The following KALRN variants were observed in gnomAD, a reference collection of about 807,000 sequenced individuals.
KALRN encodes kalirin RhoGEF kinase.
In KALRN, 70 loss-of-function variants were observed where a neutral mutation model predicts 353.7. The ratio of observed to expected loss-of-function variants is 0.20; its 90% CI spans 0.16 to 0.24. The LOEUF is 0.24. Ranked by LOEUF, KALRN falls within the 10% of genes least tolerant of loss-of-function variation. KALRN has a pLI of 1.00. For missense variants in KALRN, 2,791 were observed against 3,756.7 expected (o/e 0.74, Z 6.72); for synonymous variants, 1,391 against 1,434.8 (o/e 0.97, Z 0.69).
At chr3:124,613,992 C>G (rs948290921) in intron 34 of KALRN, among the ~76,000 whole-genome samples, 1 of 152,166 alleles carries the variant, frequency 6.6e-6, no homozygotes, top group African/African-American at 2.4e-5. Flanking sequence ...ACCTCCAACA[C>G]CATTTTCAGT....
At chr3:124,051,364 GTTTCTCCTTAC>G (rs2041027423) in intron 1 of KALRN, among the ~76,000 whole-genome samples, 1 of 152,152 alleles carries the variant, frequency 6.6e-6, no homozygotes, top group Non-Finnish European at 1.5e-5. Flanking sequence ...AGTGGGTCTG[GTTTCTCCTTAC>G]TTTGCTAGGA....
intron 34 of KALRN, among the ~76,000 whole-genome samples, chr3:124,576,540 G>A (rs959085281): frequency 6.6e-6 from 1 of 152,126 alleles, no homozygotes; most frequent in Admixed American, 6.5e-5. Flanking sequence ...TCTTCTCTGG[G>A]GACGTATGGG....
chr3:124,176,345 C>T (rs566120086), intron 1 of KALRN, among the ~76,000 whole-genome samples: 1 of 152,258 alleles, frequency 6.6e-6, no homozygotes, highest in East Asian at 1.9e-4. Context: ...TCAGTAATAT[C>T]CACGCAGATT....
rs371446060 is a variant in KALRN at position 124,298,748 on chromosome 3, C to T, written c.970-43C>T. The stretch of plus-strand genomic sequence containing the variant: ...CTCTGAAAGTTTTGCCCTATTCGAC[C>T]CATGACCATTCTGATTATGCTGTGC... On this transcript the variant is annotated intron_variant, in intron 5 of 59. Transcript: ENST00000682506. 4.3e-6 allele frequency: 7 copies of T among 1,612,918 alleles called. No individual in the cohort carries two copies. The South Asian group carries it at 7.7e-5, about 18-fold the overall frequency.
chr3:124,319,083 T>G (rs2079074463), intron 6 of KALRN, among the ~76,000 whole-genome samples: 1 of 152,098 alleles, frequency 6.6e-6, no homozygotes, highest in East Asian at 1.9e-4. Flanking sequence ...ATATATTTTT[T>G]GCTGAAGTCA....
At chr3:124,637,325 A>G (rs780075639) in intron 37 of KALRN, 22 bp downstream of exon 37, 1 of 1,562,590 alleles carries the variant, frequency 6.4e-7, no homozygotes, top group African/African-American at 1.4e-5. Context: ...TCCTGGAGGC[A>G]GTTCTGTGTG....
chr3:124,589,774 C>T (rs893569496), intron 34 of KALRN, among the ~76,000 whole-genome samples: 13 of 152,138 alleles, frequency 8.5e-5, no homozygotes, highest in Admixed American at 1.3e-4. Context: ...GGAACCCCTG[C>T]GGGTACCAAA....
chr3:124,414,381 A>G (rs2092379158), intron 14 of KALRN, among the ~76,000 whole-genome samples: 1 of 151,840 alleles, frequency 6.6e-6, no homozygotes, highest in African/African-American at 2.4e-5. Flanking sequence ...CCTATCCTCT[A>G]CTCCTAAGCT....
intron 47 of KALRN, among the ~76,000 whole-genome samples, chr3:124,668,085 C>T (rs1292325114): frequency 4.6e-5 from 6 of 129,062 alleles, no homozygotes; most frequent in Admixed American, 4.0e-4. Context: ...CACACACACA[C>T]ACACACACAA....
chr3:124,283,423 T>C (rs2075540329), intron 5 of KALRN, among the ~76,000 whole-genome samples: 1 of 152,222 alleles, frequency 6.6e-6, no homozygotes, highest in Admixed American at 6.5e-5. Flanking sequence ...ACTGTGTTCC[T>C]GAAAATATTT....
intron 15 of KALRN, among the ~76,000 whole-genome samples, chr3:124,423,385 A>G (rs2150369153): frequency 6.6e-6 from 1 of 152,372 alleles, no homozygotes; most frequent in South Asian, 2.1e-4. Context: ...CACAAAGTTA[A>G]TATTCAGTAA....
At chr3:124,480,717 C>A (rs1378356590) in intron 27 of KALRN, among the ~76,000 whole-genome samples, 1 of 152,176 alleles carries the variant, frequency 6.6e-6, no homozygotes, top group African/African-American at 2.4e-5. Flanking sequence ...CCACCACAAA[C>A]CCCAACCCAC....
intron 6 of KALRN, among the ~76,000 whole-genome samples, chr3:124,317,750 G>A (rs973713550): frequency 6.6e-6 from 1 of 150,992 alleles, no homozygotes; most frequent in Admixed American, 6.6e-5. Context: ...GCGGGGGCTG[G>A]GGGGGCAGTT....
intron 1 of KALRN, among the ~76,000 whole-genome samples, chr3:124,040,902 G>A (rs2039896239): frequency 6.6e-6 from 1 of 152,230 alleles, no homozygotes. Flanking sequence ...TGGGATGCAA[G>A]AGGGTGCCAG....
chr3:124,550,870 TC>T (rs1471724897), intron 33 of KALRN, among the ~76,000 whole-genome samples: 1 of 151,928 alleles, frequency 6.6e-6, no homozygotes. Flanking sequence ...GCGCCTGTAG[TC>T]CCAGCTACTC....
intron 1 of KALRN, among the ~76,000 whole-genome samples, chr3:124,086,309 TTGTGTGTGTGTGTGTGTGTGTGTG>T (rs59443298): frequency 7.1e-6 from 1 of 141,768 alleles, no homozygotes; most frequent in African/African-American, 2.6e-5. Flanking sequence ...GGTTGTTTTG[TTGTGTGTGTGTGTGTGTGTGTGTG>T]TGTGTGTGTG....
chr3:124,560,466 G>C (rs192808438), intron 33 of KALRN, among the ~76,000 whole-genome samples: 1 of 152,338 alleles, frequency 6.6e-6, no homozygotes, highest in East Asian at 1.9e-4. Flanking sequence ...AATCAAATTA[G>C]TGGGATGTCA....
intron 51 of KALRN, among the ~76,000 whole-genome samples, chr3:124,688,196 C>T (rs902616702): frequency 4.0e-5 from 6 of 151,788 alleles, no homozygotes; most frequent in African/African-American, 1.5e-4. Flanking sequence ...CCTGTAGTCG[C>T]AGCTCCTCAG....
intron 33 of KALRN, among the ~76,000 whole-genome samples, chr3:124,534,829 G>C (rs996289069): frequency 6.6e-6 from 1 of 152,076 alleles, no homozygotes; most frequent in Non-Finnish European, 1.5e-5. Context: ...TAATTTTCAA[G>C]ACACTGGACA....
Sources: allele counts gnomAD v4.1 joint callset (sites outside exome capture counted in the v4.1 genomes callset), GRCh38; gene constraint gnomAD v4.1.1; transcripts MANE v1.5; gene names NCBI Gene and HGNC (gene_info 2026-07-23, HGNC 2026-07-21).